The following DUSP22 variants were observed in gnomAD, a reference collection of about 807,000 sequenced individuals.
DUSP22 encodes dual specificity phosphatase 22, also known as dual specificity protein phosphatase 22.
In DUSP22, 24 loss-of-function variants were observed where a neutral mutation model predicts 24.5. That is an observed-to-expected ratio of 0.98 (90% CI 0.71 to 1.38). The LOEUF (loss-of-function observed/expected upper bound fraction) is 1.38, where lower values mean the gene tolerates loss of function less well. Ranked by LOEUF, DUSP22 falls within the 40% of genes most tolerant of loss-of-function variation. The pLI is 0.00. For missense variants in DUSP22, 330 were observed against 269.2 expected, an observed-to-expected ratio of 1.23 and a Z score of -1.58; for synonymous variants, 160 against 106.4, an observed-to-expected ratio of 1.50 and a Z score of -3.10.
Position 349,696 on chromosome 6 carries a change from A to G in DUSP22, c.*745A>G, listed in dbSNP as rs1376586461. ...TACCAACTCAGCATTTAAGGGAAGT[A>G]TCTTAGATTGCCTCCATCTCAATGT... On this transcript the variant is annotated 3_prime_UTR_variant, in exon 7 of 7. Transcript: ENST00000419235. 2 of 986,066 alleles carry G rather than the reference A, an allele frequency of 2.0e-6. No homozygotes were observed. Among genetic ancestry groups the G allele is most frequent in the Non-Finnish European group, 2.4e-6 (2 of 830,316 alleles). 61.1% of individuals were successfully genotyped at this position (986,066 alleles called of 1,614,324 possible). A position where few individuals can be genotyped will look rare whatever the true frequency, so the allele number is the denominator to read the frequency against.
intron 2 of DUSP22, among the ~76,000 whole-genome samples, chr6:310,424 T>C (rs897607002): frequency 6.6e-5 from 10 of 152,310 alleles, no homozygotes; most frequent in African/African-American, 2.2e-4. Context: ...TTGGTCTTCT[T>C]TTTGCAGGTA....
At chr6:337,680 A>G (rs1197771270) in intron 4 of DUSP22, among the ~76,000 whole-genome samples, 2 of 152,306 alleles carry the variant, frequency 1.3e-5, no homozygotes, top group African/African-American at 2.4e-5. Context: ...TTACATGGAT[A>G]TAAGGCTTAA....
In DUSP22 at chr6:350,408, C is replaced by T. The variant is rs1425260228; in HGVS notation, c.*1457C>T. The stretch of plus-strand genomic sequence containing the variant: ...AGAGTCACTCGAATGAAAAAACATA[C>T]TCGACCTCTCCCTAAAAAGATGTTG... On this transcript the variant is annotated 3_prime_UTR_variant, in exon 7 of 7. Coordinates refer to ENST00000419235, the MANE Select transcript of DUSP22 (RefSeq NM_001286555.3). 3.6e-6 allele frequency: 4 copies of T among 1,104,494 alleles called. No individual in the cohort carries two copies. Among genetic ancestry groups the T allele is most frequent in the African/African-American group, 3.3e-5 (2 of 60,190 alleles). 68.4% of individuals were successfully genotyped at this position (1,104,494 alleles called of 1,614,324 possible).
At chr6:322,776 GTGA>G (rs1337041768) in intron 3 of DUSP22, among the ~76,000 whole-genome samples, 3 of 151,760 alleles carry the variant, frequency 2.0e-5, no homozygotes, top group African/African-American at 7.3e-5. Context: ...GGTGGTGGTG[GTGA>G]TGGAAGAGGA....
At chr6:308,821 G>A (rs1757941046) in intron 2 of DUSP22, among the ~76,000 whole-genome samples, 2 of 152,302 alleles carry the variant, frequency 1.3e-5, no homozygotes, top group Admixed American at 1.3e-4. Flanking sequence ...AAGGAGAAAA[G>A]TAGATTGAAA....
At chr6:319,336 G>A (rs1758480969) in intron 3 of DUSP22, among the ~76,000 whole-genome samples, 1 of 152,304 alleles carries the variant, frequency 6.6e-6, no homozygotes, top group South Asian at 2.1e-4. Context: ...TGTGTTCATA[G>A]ATGCATGTGT....
intron 4 of DUSP22, among the ~76,000 whole-genome samples, chr6:341,923 ATG>A (rs1284379941): frequency 6.6e-6 from 1 of 152,294 alleles, no homozygotes; most frequent in Non-Finnish European, 1.5e-5. Flanking sequence ...GTATTTTGAG[ATG>A]TGGCAAGGCT....
chr6:310,210 C>T (rs906217858), intron 2 of DUSP22, among the ~76,000 whole-genome samples: 6 of 152,294 alleles, frequency 3.9e-5, no homozygotes, highest in South Asian at 4.1e-4. Flanking sequence ...ATTGGCCCGT[C>T]GCGGCCTCCC....
intron 1 of DUSP22, 36 bp downstream of exon 1, chr6:292,596 C>G (rs369792872): frequency 1.9e-6 from 3 of 1,583,762 alleles, no homozygotes; most frequent in East Asian, 2.4e-5. Flanking sequence ...GGTTTGCCTC[C>G]GCTCCGACGC....
chr6:348,271 T>C lies in DUSP22; in HGVS notation c.432T>C (p.His144=), dbSNP rs752277435. 14 of 1,614,284 alleles carry C rather than the reference T, an allele frequency of 8.7e-6. No individual in the cohort carries two copies. The South Asian group carries it at 1.5e-4, about 18-fold the overall frequency. The change falls in exon 6 of 7, where the codon CAT becomes CAC. Residue 144 remains histidine (H), a synonymous_variant. Transcript: ENST00000419235. ...QLQEFEKHEV[H]QYRQWLKEEY... ...AGGAGTTTGAGAAGCATGAGGTCCA[T>C]CAGGTAAGCAGTTCTTAGGGGACAT...
chr6:341,746 G>A (rs1211946066), intron 4 of DUSP22, among the ~76,000 whole-genome samples: 2 of 152,302 alleles, frequency 1.3e-5, no homozygotes, highest in African/African-American at 4.8e-5. Flanking sequence ...TATGTCCTGT[G>A]GGCTCTACTG....
intron 5 of DUSP22, among the ~76,000 whole-genome samples, chr6:347,095 G>T (rs1759921617): frequency 1.3e-5 from 2 of 152,300 alleles, no homozygotes; most frequent in Admixed American, 1.3e-4. Context: ...TACCTTGGGG[G>T]TTCAATTGGA....
intron 4 of DUSP22, among the ~76,000 whole-genome samples, chr6:342,887 C>G (rs1420023527): frequency 6.6e-6 from 1 of 152,306 alleles, no homozygotes; most frequent in Non-Finnish European, 1.5e-5. Flanking sequence ...GCTGACATGT[C>G]TTGTCCGGTT....
chr6:347,468 T>G (rs1346003294), intron 5 of DUSP22, among the ~76,000 whole-genome samples: 1 of 152,308 alleles, frequency 6.6e-6, no homozygotes, highest in African/African-American at 2.4e-5. Flanking sequence ...TGCATGTACA[T>G]GTAAAACGGG....
At chr6:322,830 T>TCG (rs1554100349) in intron 3 of DUSP22, among the ~76,000 whole-genome samples, 1 of 18,802 alleles carries the variant, frequency 5.3e-5, no homozygotes, top group African/African-American at 1.8e-4. Flanking sequence ...GGCTGCTTGG[T>TCG]GGGGCGGGGG....
chr6:335,359 G>T (rs1453840391), intron 4 of DUSP22, among the ~76,000 whole-genome samples, 196 bp downstream of exon 4: 1 of 152,306 alleles, frequency 6.6e-6, no homozygotes, highest in Non-Finnish European at 1.5e-5. Context: ...GCTCCTTGTG[G>T]TTGACTGGTC....
chr6:299,122 G>A (rs1757469749), intron 1 of DUSP22, among the ~76,000 whole-genome samples: 2 of 152,308 alleles, frequency 1.3e-5, no homozygotes, highest in African/African-American at 4.8e-5. Context: ...AGCATAGTGG[G>A]ACATTCCCAA....
intron 1 of DUSP22, among the ~76,000 whole-genome samples, chr6:294,962 T>C (rs1757259175): frequency 6.6e-6 from 1 of 152,290 alleles, no homozygotes; most frequent in Non-Finnish European, 1.5e-5. Flanking sequence ...CAGGAGGAAC[T>C]ACCCCAAATC....
intron 3 of DUSP22, among the ~76,000 whole-genome samples, chr6:327,838 A>T (rs1244703778): frequency 6.6e-6 from 1 of 152,294 alleles, no homozygotes; most frequent in African/African-American, 2.4e-5. Flanking sequence ...AGCACAGAAC[A>T]TGTGGGGAGA....
Sources: gnomAD v4.1 joint callset for allele counts (sites outside exome capture counted in the v4.1 genomes callset) on GRCh38, gnomAD v4.1.1 for gene constraint, MANE v1.5 for transcripts, NCBI Gene and HGNC (gene_info 2026-07-23, HGNC 2026-07-21) for gene names.